The following REL variants were observed in gnomAD, a reference collection of about 807,000 sequenced individuals.
REL encodes proto-oncogene c-Rel.
In REL, 15 loss-of-function variants were observed where a neutral mutation model predicts 45.9. The observed-to-expected ratio is 0.33, with a 90% CI of 0.22 to 0.50. The LOEUF is 0.50. REL is among the 20% of genes least tolerant of loss of function. The pLI is 0.98. For synonymous variants in REL, 239 were observed against 242.1 expected (o/e 0.99, Z 0.12); for missense variants, 601 against 715.2 (o/e 0.84, Z 1.82).
Position 60,926,686 on chromosome 2 carries a change from C to T in REL, c.*4151C>T, listed in dbSNP as rs1674276484. 4.4e-6 allele frequency: 1 copy of T among 228,204 alleles called. No homozygotes were observed. Among genetic ancestry groups the T allele is most frequent in the Non-Finnish European group, 8.7e-6 (1 of 114,900 alleles). The allele number at this position is 228,204 out of a possible 1,614,324, so 14.1% of individuals were successfully genotyped here. Reference sequence around the variant, plus strand: ...CTGGCTCGCTCTCTTCTTTACCTTCCATAATGGCATTACCATTTACCACGC... The same window carrying T: ...CTGGCTCGCTCTCTTCTTTACCTTCTATAATGGCATTACCATTTACCACGC... On this transcript the variant is annotated 3_prime_UTR_variant, in exon 10 of 10. Coordinates refer to ENST00000394479, the MANE Select transcript of REL (RefSeq NM_001291746.2).
intron 1 of REL, 114 bp downstream of exon 1, chr2:60,881,964 A>G: frequency 4.6e-6 from 3 of 657,080 alleles, no homozygotes; most frequent in Non-Finnish European, 7.0e-6. Flanking sequence ...TCTGTCTTTA[A>G]AATCTCATAT....
At chr2:60,909,210 A>T (rs1293377972) in intron 4 of REL, among the ~76,000 whole-genome samples, 1 of 152,150 alleles carries the variant, frequency 6.6e-6, no homozygotes, top group South Asian at 2.1e-4. Context: ...TCAAATTTGT[A>T]TCTAACACTT....
Position 60,881,662 on chromosome 2 carries a change from T to G in REL, c.-179T>G. The stretch of plus-strand genomic sequence containing the variant: ...GACCCGGGGTGCAAGAATTCAGGGG[T>G]TGGGAAGGTGTGAGCCGCAAACCCA... On this transcript the variant is annotated 5_prime_UTR_variant, in exon 1 of 10. Transcript: ENST00000394479. 3 of 528,956 alleles carry G rather than the reference T, an allele frequency of 5.7e-6. No homozygotes were observed. The highest frequency in any genetic ancestry group is 6.7e-6 in the Non-Finnish European group (2 of 298,736). The allele number at this position is 528,956 out of a possible 1,614,324, so 32.8% of individuals were successfully genotyped here. A position where few individuals can be genotyped will look rare whatever the true frequency, so the allele number is the denominator to read the frequency against.
intron 2 of REL, among the ~76,000 whole-genome samples, chr2:60,894,032 A>T (rs1421955590): frequency 4.6e-5 from 7 of 152,206 alleles, no homozygotes; most frequent in Non-Finnish European, 8.8e-5. Flanking sequence ...ATATATTTTC[A>T]AGGAATGTTT....
chr2:60,916,535 T>G (rs950637554), intron 4 of REL, among the ~76,000 whole-genome samples: 1 of 152,250 alleles, frequency 6.6e-6, no homozygotes. Flanking sequence ...TACATACTTG[T>G]TGAATGAATG....
intron 4 of REL, among the ~76,000 whole-genome samples, chr2:60,907,605 G>C (rs904269282): frequency 1.3e-5 from 2 of 152,096 alleles, no homozygotes; most frequent in Non-Finnish European, 1.5e-5. Flanking sequence ...CTGCACTTCA[G>C]CCTGGGTGAC....
chr2:60,910,482 C>CAAAAAA (rs11311284), intron 4 of REL, among the ~76,000 whole-genome samples: 3 of 138,328 alleles, frequency 2.2e-5, no homozygotes, highest in Non-Finnish European at 3.1e-5. Flanking sequence ...AAACAAAAAA[C>CAAAAAA]AAAAAAAAAA....
At chr2:60,917,680 CTGTGTGTG>C (rs34038794) in intron 5 of REL, among the ~76,000 whole-genome samples, 143 of 142,308 alleles carry the variant, frequency 1.0e-3, no homozygotes, top group Middle Eastern at 3.6e-3. Context: ...CCCCAAAATA[CTGTGTGTG>C]TGTGTGTGTG....
At chr2:60,889,436 A>G (rs1673151804) in intron 1 of REL, among the ~76,000 whole-genome samples, 1 of 152,212 alleles carries the variant, frequency 6.6e-6, no homozygotes, top group South Asian at 2.1e-4. Flanking sequence ...TCAAGAAAGC[A>G]TCTGAAATAA....
Position 60,881,844 on chromosome 2 carries a change from G to A in REL, c.4G>A (p.Ala2Thr). 6.6e-7 allele frequency: 1 copy of A among 1,513,900 alleles called. No homozygotes were observed. Among genetic ancestry groups the A allele is most frequent in the South Asian group, 1.2e-5 (1 of 82,066 alleles). The allele number at this position is 1,513,900 out of a possible 1,614,324, so 93.8% of individuals were successfully genotyped here. A position where few individuals can be genotyped will look rare whatever the true frequency, so the allele number is the denominator to read the frequency against. The stretch of plus-strand genomic sequence containing the variant: ...GGAAGGTGCGGGGAGCGGAGCCATG[G>A]CCTCCGGTGAGTGTTCATGGGGCGC... M[A>T]SGAYNPYIEI... Residue 2 changes from alanine (A) to threonine (T), a missense_variant, in exon 1 of 10, where the codon GCC becomes ACC. By Grantham distance (58) the Ala-to-Thr change is moderately conservative (BLOSUM62 0). Transcript: ENST00000394479.
intron 7 of REL, among the ~76,000 whole-genome samples, chr2:60,919,449 A>T (rs1208224287): frequency 6.6e-6 from 1 of 151,388 alleles, no homozygotes; most frequent in Non-Finnish European, 1.5e-5. Flanking sequence ...TTTGAGATGG[A>T]GTCTTGCTCT....
At position 60,924,792 on chromosome 2, in the gene REL, A is replaced by T. The variant is rs1674230943; in HGVS notation, c.*2257A>T. The T allele has an allele frequency of 4.8e-6, 1 of 206,484 alleles. No individual in the cohort carries two copies. Among genetic ancestry groups the T allele is most frequent in the Admixed American group, 5.9e-5 (1 of 16,848 alleles). The allele number at this position is 206,484 out of a possible 1,614,324, so 12.8% of individuals were successfully genotyped here. On this transcript the variant is annotated 3_prime_UTR_variant, in exon 10 of 10. Transcript: ENST00000394479. Reference sequence around the variant, plus strand: ...CACATATTCATTTGGCTGGTTTCAAATGGTGAGCTGAATGCTGGGTAATCT... The same window carrying T: ...CACATATTCATTTGGCTGGTTTCAATTGGTGAGCTGAATGCTGGGTAATCT...
chr2:60,918,193 G>A lies in REL; in HGVS notation c.538G>A (p.Ala180Thr). The change falls in exon 6 of 10, where the codon GCT becomes ACT. Residue 180 changes from alanine (A) to threonine (T), a missense_variant and splice_region_variant. Physicochemically the swap from Ala to Thr is moderately conservative, Grantham distance 58. Around this residue, in one of 4 missense-constraint regions of REL, gnomAD observed 241 missense variants for 347.0 expected, o/e 0.69. Transcript: ENST00000394479. ...VVSNPIYDNR[A>T]PNTAELRICR... ...TTTTGAAAATCCTTTATATTTAGGTGCTCCAAATACTGCAGAATTAAGGAT... is the reference window on the plus strand; with the variant it reads ...TTTTGAAAATCCTTTATATTTAGGTACTCCAAATACTGCAGAATTAAGGAT... The A allele has an allele frequency of 6.4e-7, 1 of 1,573,230 alleles. No homozygotes were observed. Among genetic ancestry groups the A allele is most frequent in the Non-Finnish European group, 8.7e-7 (1 of 1,153,724 alleles).
At chr2:60,902,408 T>G (rs1180867098) in intron 4 of REL, among the ~76,000 whole-genome samples, 2 of 152,166 alleles carry the variant, frequency 1.3e-5, no homozygotes, top group Non-Finnish European at 2.9e-5. Flanking sequence ...TTTATACATG[T>G]GTAGTTATAT....
At position 60,891,586 on chromosome 2, in the gene REL, G is replaced by A. The variant is rs1013702912; in HGVS notation, c.11-97G>A. On this transcript the variant is annotated intron_variant, in intron 1 of 9. Transcript: ENST00000394479. ...TAATGTTAGGAGGAAAAAAATCTTT[G>A]TTTTAGTCTGCTGTTATAAAAAAAA... The A allele has an allele frequency of 9.0e-5, 98 of 1,090,032 alleles. 1 individual carries two copies. The highest frequency in any genetic ancestry group is 2.8e-4 in the Middle Eastern group (1 of 3,582). The allele number at this position is 1,090,032 out of a possible 1,614,324, so 67.5% of individuals were successfully genotyped here.
intron 1 of REL, among the ~76,000 whole-genome samples, chr2:60,888,475 T>C (rs1673125747): frequency 6.6e-6 from 1 of 152,204 alleles, no homozygotes; most frequent in South Asian, 2.1e-4. Context: ...TCTTAAATAC[T>C]CCTACAAGGA....
Position 60,927,106 on chromosome 2 carries a change from C to A in REL, c.*4571C>A, listed in dbSNP as rs966215816. On this transcript the variant is annotated 3_prime_UTR_variant, in exon 10 of 10. Transcript: ENST00000394479. Reference sequence around the variant, plus strand: ...TGAAGCTTTGTACATGCCTGTATTACGGACATCCTCTTATTTAAGTGTTTG... The same window carrying A: ...TGAAGCTTTGTACATGCCTGTATTAAGGACATCCTCTTATTTAAGTGTTTG... 4.4e-6 allele frequency: 1 copy of A among 226,128 alleles called. No homozygotes were observed. Among genetic ancestry groups the A allele is most frequent in the African/African-American group, 2.2e-5 (1 of 44,944 alleles). The allele number at this position is 226,128 out of a possible 1,614,324, so 14.0% of individuals were successfully genotyped here. A position where few individuals can be genotyped will look rare whatever the true frequency, so the allele number is the denominator to read the frequency against.
At chr2:60,891,019 G>A (rs1471706405) in intron 1 of REL, among the ~76,000 whole-genome samples, 1 of 152,188 alleles carries the variant, frequency 6.6e-6, no homozygotes, top group African/African-American at 2.4e-5. Flanking sequence ...ATTATAGAAA[G>A]TGAATACTTT....
intron 4 of REL, among the ~76,000 whole-genome samples, chr2:60,914,085 G>A (rs911490948): frequency 2.0e-4 from 31 of 152,174 alleles, no homozygotes; most frequent in African/African-American, 7.2e-4. Flanking sequence ...GGATAGAAGA[G>A]GCATACATAA....
Sources: allele counts gnomAD v4.1 joint callset (sites outside exome capture counted in the v4.1 genomes callset), GRCh38; gene constraint gnomAD v4.1.1; regional missense constraint gnomAD v4.1.1; transcripts MANE v1.5; gene names NCBI Gene and HGNC (gene_info 2026-07-23, HGNC 2026-07-21).